The following SLC26A3 variants were observed in gnomAD, a reference collection of about 807,000 sequenced individuals.
The protein encoded by SLC26A3 is chloride anion exchanger.
A neutral mutation model predicts 85.6 loss-of-function variants in SLC26A3; 64 were observed. The observed-to-expected ratio is 0.75, with a 90% CI of 0.61 to 0.92. The LOEUF is 0.92. SLC26A3 is among the 40% of genes least tolerant of loss of function. SLC26A3 has a pLI of 0.00. For missense variants in SLC26A3, 922 were observed against 927.3 expected, an observed-to-expected ratio of 0.99 and a Z score of 0.07; for synonymous variants, 349 against 336.0, an observed-to-expected ratio of 1.04 and a Z score of -0.42.
chr7:107,790,915 C>A, intron 5 of SLC26A3, 133 bp downstream of exon 5: 1 of 939,710 alleles, frequency 1.1e-6, no homozygotes, highest in Non-Finnish European at 1.7e-6. Context: ...TACAGTATTT[C>A]CTATGGGCCA....
intron 17 of SLC26A3, 65 bp from the exon 18 acceptor site, chr7:107,772,173 C>T: frequency 1.1e-6 from 1 of 948,572 alleles, no homozygotes; most frequent in East Asian, 2.4e-5. Flanking sequence ...ATAAAGAAAA[C>T]AATCAGAATT....
At chr7:107,793,397 A>G (rs1041550061) in intron 3 of SLC26A3, among the ~76,000 whole-genome samples, 3 of 152,246 alleles carry the variant, frequency 2.0e-5, no homozygotes, top group Non-Finnish European at 4.4e-5. Flanking sequence ...ATACAACAGA[A>G]TACTTATTTG....
In SLC26A3 at chr7:107,779,844, G is replaced by A. The variant is rs949131375; in HGVS notation, c.1312-81C>T. 2.5e-6 allele frequency: 3 copies of A among 1,203,354 alleles called. No homozygotes were observed. In the African/African-American group the frequency reaches 4.5e-5, roughly 18 times the overall value. 74.5% of individuals were successfully genotyped at this position (1,203,354 alleles called of 1,614,324 possible). On this transcript the variant is annotated intron_variant, in intron 11 of 20. Coordinates refer to ENST00000340010, the MANE Select transcript of SLC26A3 (RefSeq NM_000111.3). ...AAGCAAAGGTGAAGGCTATAGATAAGTGTGTGCTTTAAAGGGCCTCAAAGC... is the reference window on the plus strand; with the variant it reads ...AAGCAAAGGTGAAGGCTATAGATAAATGTGTGCTTTAAAGGGCCTCAAAGC...
rs1794413053 is a variant in SLC26A3, at chr7:107,792,091, A to G, written c.272-151T>C. 1.0e-5 allele frequency: 6 copies of G among 599,428 alleles called. No homozygotes were observed. The South Asian group carries it at 1.1e-4, about 11-fold the overall frequency. 37.1% of individuals were successfully genotyped at this position (599,428 alleles called of 1,614,324 possible). A position where few individuals can be genotyped will look rare whatever the true frequency, so the allele number is the denominator to read the frequency against. ...TAAAGATGTAAATGTAAGAACTAAA[A>G]CTATAAAACTTTTAGAAGAAAGCAT... On this transcript the variant is annotated intron_variant, in intron 3 of 20. Transcript: ENST00000340010.
chr7:107,769,397 TA>T (rs575475384), intron 18 of SLC26A3, among the ~76,000 whole-genome samples: 9 of 151,464 alleles, frequency 5.9e-5, no homozygotes, highest in South Asian at 4.2e-4. Flanking sequence ...TAAAAACATA[TA>T]AAAAAATTAA....
rs117521791 is a variant in SLC26A3, at chr7:107,797,182, A to C, written c.-88-2585T>G. ...TGCCTGCAAGGGCCCTGCTCAGGGT[A>C]GGAATCAGGGGAGCTTAAGAAATCT... On this transcript the variant is annotated intron_variant, in intron 1 of 20. Coordinates refer to ENST00000340010, the MANE Select transcript of SLC26A3 (RefSeq NM_000111.3). Among the ~76,000 whole-genome samples the C allele has an allele frequency of 5.3e-3, 804 of 152,270 alleles. 1 individual carries two copies. The highest frequency in any genetic ancestry group is 9.4e-3 in the Non-Finnish European group (639 of 68,014).
chr7:107,767,787 A>C lies in SLC26A3; in HGVS notation c.2184T>G (p.Thr728=), dbSNP rs554235767. The C allele has an allele frequency of 8.7e-5, 141 of 1,613,924 alleles. 1 individual carries two copies. The highest frequency in any genetic ancestry group is 1.2e-4 in the Non-Finnish European group (141 of 1,179,862). The change falls in exon 19 of 21, where the codon ACT becomes ACG. Residue 728 remains threonine (T), a synonymous_variant. Transcript: ENST00000340010. ...ATACCTGACTGGGATTAAACTTTGAAGTACTGTAATCTTTCTTCATCAAAA... is the reference window on the plus strand; with the variant it reads ...ATACCTGACTGGGATTAAACTTTGACGTACTGTAATCTTTCTTCATCAAAA... ...LHILMKKDYS[T]SKFNPSQEKD... is the part of the protein sequence containing the mutation.
At chr7:107,767,064 T>C (rs1025969391) in intron 20 of SLC26A3, among the ~76,000 whole-genome samples, 1 of 152,152 alleles carries the variant, frequency 6.6e-6, no homozygotes, top group Admixed American at 6.5e-5. Flanking sequence ...GAAATGAACA[T>C]CTACAATGAA....
intron 15 of SLC26A3, chr7:107,776,136 A>G (rs1794110796): frequency 5.1e-6 from 2 of 393,354 alleles, no homozygotes; most frequent in South Asian, 5.3e-5. Flanking sequence ...TTGATGCCCA[A>G]AGAAAATCTG....
chr7:107,776,599 C>G, intron 14 of SLC26A3, 38 bp downstream of exon 14: 1 of 1,607,000 alleles, frequency 6.2e-7, no homozygotes, highest in Non-Finnish European at 8.5e-7. Flanking sequence ...TAGTTAATAT[C>G]ATTTAGCAAG....
rs1793902464 is a variant in SLC26A3, at chr7:107,765,763, T to C, written c.*92A>G. On this transcript the variant is annotated 3_prime_UTR_variant, in exon 21 of 21. Transcript: ENST00000340010. ...AAACATATTCTGTCAAAAATACTCT[T>C]CGTACAATGTATGAACTTATCAATA... 2 of 955,382 alleles carry C rather than the reference T, an allele frequency of 2.1e-6. No homozygotes were observed. Among genetic ancestry groups the C allele is most frequent in the South Asian group, 1.3e-5 (1 of 74,076 alleles). The allele number at this position is 955,382 out of a possible 1,614,324, so 59.2% of individuals were successfully genotyped here.
At chr7:107,786,300 C>T (rs114863087) in intron 8 of SLC26A3, among the ~76,000 whole-genome samples, 2,051 of 152,114 alleles carry the variant, frequency 0.013, 59 homozygotes, top group African/African-American at 0.047. Context: ...GTTTACTTTG[C>T]CTATTTTTCT....
At chr7:107,802,541 T>A (rs1017125170) in intron 1 of SLC26A3, among the ~76,000 whole-genome samples, 1 of 150,414 alleles carries the variant, frequency 6.6e-6, no homozygotes, top group Admixed American at 6.7e-5. Flanking sequence ...ACCCCCTCCC[T>A]TTTTTTTTAA....
intron 1 of SLC26A3, among the ~76,000 whole-genome samples, chr7:107,800,716 C>A (rs527316992): frequency 2.4e-5 from 3 of 125,124 alleles, no homozygotes; most frequent in African/African-American, 9.7e-5. Context: ...TGACGTAGAC[C>A]TAAACTCCAA....
At position 107,778,060 on chromosome 7, in the gene SLC26A3, T is replaced by C. The variant is rs189464402; in HGVS notation, c.1514+115A>G. 3.2e-5 allele frequency: 24 copies of C among 754,668 alleles called. No homozygotes were observed. In the East Asian group the frequency reaches 5.6e-4, roughly 18 times the overall value. The allele number at this position is 754,668 out of a possible 1,614,324, so 46.7% of individuals were successfully genotyped here. ...GGGAGGATAAACTGCCCCATCCTGATAGAAATGCACACCTATCAACCAACT... is the reference window on the plus strand; with the variant it reads ...GGGAGGATAAACTGCCCCATCCTGACAGAAATGCACACCTATCAACCAACT... On this transcript the variant is annotated intron_variant, in intron 13 of 20. Transcript: ENST00000340010.
At chr7:107,782,052 G>C (rs1022506558) in intron 11 of SLC26A3, among the ~76,000 whole-genome samples, 2 of 152,078 alleles carry the variant, frequency 1.3e-5, no homozygotes, top group Non-Finnish European at 2.9e-5. Context: ...GTTCAGCAAG[G>C]TTAAGTAATT....
Position 107,774,768 on chromosome 7 carries a change from G to A in SLC26A3, c.1773+9C>T. ...CTATAATGCATAGAAATGTGGTCAAGGAACTTACTGGTGTCACTTGTAGCA... is the reference window on the plus strand; with the variant it reads ...CTATAATGCATAGAAATGTGGTCAAAGAACTTACTGGTGTCACTTGTAGCA... On this transcript the variant is annotated intron_variant, in intron 16 of 20. Coordinates refer to ENST00000340010, the MANE Select transcript of SLC26A3 (RefSeq NM_000111.3). The A allele has an allele frequency of 1.2e-6, 2 of 1,604,808 alleles. No homozygotes were observed. The highest frequency in any genetic ancestry group is 1.7e-6 in the Non-Finnish European group (2 of 1,171,596).
chr7:107,798,430 A>T (rs549381561), intron 1 of SLC26A3, among the ~76,000 whole-genome samples: 18 of 151,854 alleles, frequency 1.2e-4, no homozygotes, highest in African/African-American at 4.1e-4. Context: ...GAGAACCTCC[A>T]CTCTGCCTGC....
At position 107,783,294 on chromosome 7, in the gene SLC26A3, A is replaced by G; in HGVS notation, c.1030T>C (p.Phe344Leu). The G allele has an allele frequency of 6.2e-7, 1 of 1,614,224 alleles. No homozygotes were observed. The highest frequency in any genetic ancestry group is 1.1e-5 in the South Asian group (1 of 91,082). ...ETFQNTVGDC[F>L]GIAMVAFAVA... ...GCAAATGCAACCATTGCGATGCCGA[A>G]GCAATCTCCTACGGTGTTTTGGAAA... is the stretch of plus-strand genomic sequence containing the variant. The change falls in exon 9 of 21, where the codon TTC becomes CTC. Residue 344 changes from phenylalanine to leucine, a missense_variant. Transcript: ENST00000340010.
Sources: allele counts gnomAD v4.1 joint callset (sites outside exome capture counted in the v4.1 genomes callset), GRCh38; gene constraint gnomAD v4.1.1; transcripts MANE v1.5; gene names NCBI Gene and HGNC (gene_info 2026-07-23, HGNC 2026-07-21).